SLC1A5: variants seen among roughly 807,000 people sequenced by gnomAD.
SLC1A5 encodes the protein neutral amino acid transporter B(0).
A neutral mutation model predicts 34.9 loss-of-function variants in SLC1A5; 25 were observed. The ratio of observed to expected loss-of-function variants is 0.72; its 90% confidence interval spans 0.52 to 1.00. SLC1A5 has a LOEUF of 1.00. Among genes scored for constraint, SLC1A5 ranks in the 50% least tolerant of loss-of-function variants. The probability of loss-of-function intolerance (pLI) is 0.00; values close to 1 mark genes in which losing one functional copy is unlikely to be tolerated. For missense variants in SLC1A5, 637 were observed against 740.0 expected (o/e 0.86, Z 1.61); for synonymous variants, 351 against 341.2 (o/e 1.03, Z -0.32).
At chr19:46,785,336 C>T (rs2055179151) in intron 1 of SLC1A5, among the ~76,000 whole-genome samples, 1 of 152,172 alleles carries the variant, frequency 6.6e-6, no homozygotes, top group African/African-American at 2.4e-5. Context: ...GAACCAAGAT[C>T]AAGCCACTGC....
chr19:46,782,437 C>A lies in SLC1A5; in HGVS notation c.770G>T (p.Arg257Leu), dbSNP rs200463627. 3.1e-6 allele frequency: 5 copies of A among 1,603,068 alleles called. No individual in the cohort carries two copies. The African/African-American group carries it at 5.4e-5, about 17-fold the overall frequency. ...KLGPEGELLI[R>L]FFNSFNEATM... is the part of the protein sequence containing the mutation. ...GGCCTCATTGAAGGAGTTGAAGAAG[C>A]GGATAAGCAGCTCCCCTTCAGGCCC... is the stretch of plus-strand genomic sequence containing the variant. The change falls in exon 4 of 8, where the codon CGC (arginine) becomes CTC (leucine). Residue 257 changes from arginine to leucine, a missense_variant. By Grantham distance (102) the Arg-to-Leu change is moderately radical. Coordinates refer to ENST00000542575, the MANE Select transcript of SLC1A5 (RefSeq NM_005628.3).
intron 7 of SLC1A5, 91 bp from the exon 8 acceptor site, chr19:46,775,838 C>G (rs1369674370): frequency 7.5e-7 from 1 of 1,327,928 alleles, no homozygotes; most frequent in African/African-American, 1.5e-5. Flanking sequence ...TGCCTCTCTC[C>G]CCCTGGAATC....
rs1204032494 is a variant in SLC1A5 at position 46,788,587 on chromosome 19, G to C, written c.-622C>G. ...AGAGAAAGCCTCCCGGGCGTGCCGC[G>C]TGGCTCTGAGCCCGTTTAGCGGAAG... On this transcript the variant is annotated 5_prime_UTR_variant, in exon 1 of 8. Coordinates refer to ENST00000542575, the MANE Select transcript of SLC1A5 (RefSeq NM_005628.3). The C allele has an allele frequency of 6.6e-6, 1 of 152,416 alleles. No homozygotes were observed. The highest frequency in any genetic ancestry group is 1.5e-5 in the Non-Finnish European group (1 of 68,228). 9.4% of individuals were successfully genotyped at this position (152,416 alleles called of 1,614,324 possible). A position where few individuals can be genotyped will look rare whatever the true frequency, so the allele number is the denominator to read the frequency against.
chr19:46,775,701 C>T lies in SLC1A5; in HGVS notation c.1435G>A (p.Ala479Thr), dbSNP rs769331530. The change falls in exon 8 of 8, where the codon GCA (alanine) becomes ACA (threonine). Residue 479 changes from alanine (A) to threonine (T), a missense_variant. Ala to Thr is a moderately conservative substitution (Grantham distance 58, BLOSUM62 0). Transcript: ENST00000542575. ...VLNVEGDALG[A>T]GLLQNYVDRT... ...TCCACGTAATTTTGGAGGAGTCCTG[C>T]CCCCAGAGCGTCACCTTCTACATTG... 1 of 1,613,962 alleles carries T rather than the reference C, an allele frequency of 6.2e-7. No individual in the cohort carries two copies. Among genetic ancestry groups the T allele is most frequent in the South Asian group, 1.1e-5 (1 of 91,072 alleles).
intron 5 of SLC1A5, among the ~76,000 whole-genome samples, chr19:46,778,321 C>G (rs770648760): frequency 1.3e-5 from 2 of 152,186 alleles, no homozygotes; most frequent in South Asian, 4.1e-4. Context: ...CCCAGCTACT[C>G]GGGAGGCTGA....
chr19:46,775,387 G>T lies in SLC1A5; in HGVS notation c.*123C>A. The T allele has an allele frequency of 1.3e-6, 2 of 1,509,400 alleles. No homozygotes were observed. 93.5% of individuals were successfully genotyped at this position (1,509,400 alleles called of 1,614,324 possible). ...ATCTCCTGTCCTGGAGGGTGCTGGG[G>T]CCCCTGGCTCCCCAGAGTGTGCAGG... On this transcript the variant is annotated 3_prime_UTR_variant, in exon 8 of 8. Transcript: ENST00000542575.
Position 46,788,394 on chromosome 19 carries a change from C to T in SLC1A5, c.-429G>A, listed in dbSNP as rs890061102. ...CGCCTGGATCCGGGAGGCGGGGACC[C>T]GGGCTGCCTGGGTCTTGGACACTGA... On this transcript the variant is annotated 5_prime_UTR_variant, in exon 1 of 8. Coordinates refer to ENST00000542575, the MANE Select transcript of SLC1A5 (RefSeq NM_005628.3). 6.0e-6 allele frequency: 1 copy of T among 166,884 alleles called. No homozygotes were observed. Among genetic ancestry groups the T allele is most frequent in the Non-Finnish European group, 1.3e-5 (1 of 78,372 alleles). 10.3% of individuals were successfully genotyped at this position (166,884 alleles called of 1,614,324 possible).
At position 46,786,272 on chromosome 19, in the gene SLC1A5, T is replaced by TGA. The variant is rs2055185805; in HGVS notation, c.566+1127_566+1128insTC. ...GAGATGCTACAGCCTCAGCTGAGTG[T>TGA]CTGCGTGAATGTGTCCAGCTGTATG... On this transcript the variant is annotated intron_variant, in intron 1 of 7. Transcript: ENST00000542575. Among the ~76,000 whole-genome samples the TGA allele has an allele frequency of 2.6e-5, 4 of 152,168 alleles. No homozygotes were observed. The East Asian group carries it at 7.7e-4, about 29-fold the overall frequency.
chr19:46,786,432 A>C (rs1225441274), intron 1 of SLC1A5, among the ~76,000 whole-genome samples: 1 of 152,148 alleles, frequency 6.6e-6, no homozygotes, highest in African/African-American at 2.4e-5. Flanking sequence ...ACCCAGGCCC[A>C]GGCTGGGCCA....
At chr19:46,784,958 G>C in intron 1 of SLC1A5, 1 of 1,066,226 alleles carries the variant, frequency 9.4e-7, no homozygotes, top group Non-Finnish European at 1.2e-6. Context: ...GAGTATGGGG[G>C]AGGATCTGGG....
rs764218768 is a variant in SLC1A5 at position 46,787,470 on chromosome 19, C to G, written c.496G>C (p.Val166Leu). The G allele has an allele frequency of 6.3e-7, 1 of 1,595,920 alleles. No individual in the cohort carries two copies. Among genetic ancestry groups the G allele is most frequent in the South Asian group, 1.1e-5 (1 of 88,270 alleles). Residue 166 changes from valine (V) to leucine (L), a missense_variant, in exon 1 of 8, where the codon GTG becomes CTG. Transcript: ENST00000542575. This position sits in a 1 kb window ranked among gnomAD's most constrained non-coding sequence, Gnocchi z 5.2. ...GAASAAINAS[V>L]GAAGSAENAP... Reference sequence around the variant, plus strand: ...TTTTCGGCACTGCCCGCGGCTCCCACGGAGGCGTTGATGGCGGCGGAGGCG... The same window carrying G: ...TTTTCGGCACTGCCCGCGGCTCCCAGGGAGGCGTTGATGGCGGCGGAGGCG...
At position 46,788,122 on chromosome 19, in the gene SLC1A5, G is replaced by C. The variant is rs938814006; in HGVS notation, c.-157C>G. 1 of 658,836 alleles carries C rather than the reference G, an allele frequency of 1.5e-6. No individual in the cohort carries two copies. Among genetic ancestry groups the C allele is most frequent in the African/African-American group, 1.9e-5 (1 of 51,648 alleles). 40.8% of individuals were successfully genotyped at this position (658,836 alleles called of 1,614,324 possible). ...AGAGTTGTGAGTTCACAGCACTGAA[G>C]TTCCTTGGCTCTTGGAAGCTGGAGT... is the stretch of plus-strand genomic sequence containing the variant. On this transcript the variant is annotated 5_prime_UTR_variant, in exon 1 of 8. Coordinates refer to ENST00000542575, the MANE Select transcript of SLC1A5 (RefSeq NM_005628.3).
Position 46,775,502 on chromosome 19 carries a change from C to T in SLC1A5, c.*8G>A. The stretch of plus-strand genomic sequence containing the variant: ...CCCCAGCAGGGCAGGGAAGGTCCCT[C>T]CCGGGGTTTACATGACTGATTCCTT... On this transcript the variant is annotated 3_prime_UTR_variant, in exon 8 of 8. Coordinates refer to ENST00000542575, the MANE Select transcript of SLC1A5 (RefSeq NM_005628.3). 1 of 1,599,956 alleles carries T rather than the reference C, an allele frequency of 6.3e-7. No individual in the cohort carries two copies. Among genetic ancestry groups the T allele is most frequent in the Non-Finnish European group, 8.5e-7 (1 of 1,172,888 alleles).
Position 46,778,835 on chromosome 19 carries a change from CA to C in SLC1A5, c.897del (p.Phe299LeufsTer43). 6.2e-7 allele frequency: 1 copy of C among 1,610,130 alleles called. No homozygotes were observed. Among genetic ancestry groups the C allele is most frequent in the Non-Finnish European group, 8.5e-7 (1 of 1,177,994 alleles). On this transcript the variant is annotated frameshift_variant, in exon 5 of 8. Coordinates refer to ENST00000542575, the MANE Select transcript of SLC1A5 (RefSeq NM_005628.3). LOFTEE classifies it high-confidence loss of function. ...IVEMEDVGLL[F>X]ARLGKYILCC... ...CACAGAATGTACTTGCCAAGGCGGG[CA>C]AAGAGTAAACCCACATCCTCCATCT...
chr19:46,787,894 C>T lies in SLC1A5; in HGVS notation c.72G>A (p.Ala24=). Reference sequence around the variant, plus strand: ...CGCCTTGGTCCTCGATGGAGGCCAGCGCCAGGCCCCCGTTGGCGGTGGGCT... The same window carrying T: ...CGCCTTGGTCCTCGATGGAGGCCAGTGCCAGGCCCCCGTTGGCGGTGGGCT... The part of the protein sequence containing the change: ...AAEPTANGGL[A]LASIEDQGAA... The change falls in exon 1 of 8, where the codon GCG becomes GCA. Residue 24 remains alanine, a synonymous_variant. Transcript: ENST00000542575. This position sits in a 1 kb window ranked among gnomAD's most constrained non-coding sequence, Gnocchi z 5.2. 1.3e-6 allele frequency: 2 copies of T among 1,569,346 alleles called. No homozygotes were observed. Among genetic ancestry groups the T allele is most frequent in the Admixed American group, 1.9e-5 (1 of 53,352 alleles).
At chr19:46,778,626 G>T in intron 5 of SLC1A5, 49 bp downstream of exon 5, 3 of 1,342,898 alleles carry the variant, frequency 2.2e-6, no homozygotes, top group East Asian at 2.5e-5. Flanking sequence ...TCCGCTCCAT[G>T]CCGCTTAGCG....
At chr19:46,775,833 C>T in intron 7 of SLC1A5, 86 bp from the exon 8 acceptor site, 2 of 1,374,036 alleles carry the variant, frequency 1.5e-6, no homozygotes, top group Non-Finnish European at 1.9e-6. Context: ...CCTCCTGCCT[C>T]TCTCCCCCTG....
At chr19:46,781,348 C>T (rs1473675450) in intron 4 of SLC1A5, among the ~76,000 whole-genome samples, 2 of 152,222 alleles carry the variant, frequency 1.3e-5, no homozygotes, top group African/African-American at 2.4e-5. Context: ...CCTGTAATCC[C>T]AGCACTTCGG....
At chr19:46,781,372 G>A (rs956219883) in intron 4 of SLC1A5, among the ~76,000 whole-genome samples, 2 of 152,232 alleles carry the variant, frequency 1.3e-5, no homozygotes. Context: ...GCCGAGGTGG[G>A]CGGATCACCT....
Sources: allele counts gnomAD v4.1 joint callset (sites outside exome capture counted in the v4.1 genomes callset), GRCh38; gene constraint gnomAD v4.1.1; non-coding constraint Gnocchi (gnomAD v3.1); transcripts MANE v1.5; gene names NCBI Gene and HGNC (gene_info 2026-07-23, HGNC 2026-07-21).